The following LPP variants were observed in gnomAD, a reference collection of about 807,000 sequenced individuals.
The protein encoded by LPP is LIM domain containing preferred translocation partner in lipoma.
LPP carries 38 observed loss-of-function variants against 60.4 expected under a neutral mutation model. The observed-to-expected ratio is 0.63, with a 90% CI of 0.49 to 0.83. The LOEUF (loss-of-function observed/expected upper bound fraction) is 0.83, where lower values mean the gene tolerates loss of function less well. LPP is among the 40% of genes least tolerant of loss of function. The pLI is 0.00. For missense variants in LPP, 902 were observed against 783.6 expected, an observed-to-expected ratio of 1.15 and a Z score of -1.80; for synonymous variants, 328 against 290.8, an observed-to-expected ratio of 1.13 and a Z score of -1.30.
chr3:188,344,969 A>T (rs1195349198), intron 3 of LPP, among the ~76,000 whole-genome samples: 2 of 152,194 alleles, frequency 1.3e-5, no homozygotes, highest in African/African-American at 4.8e-5. Context: ...AGAGCAAATC[A>T]CTGGATCTGT....
chr3:188,340,859 G>A (rs1762873195), intron 2 of LPP, among the ~76,000 whole-genome samples: 1 of 152,100 alleles, frequency 6.6e-6, no homozygotes, highest in African/African-American at 2.4e-5. Flanking sequence ...TGCTTATAAT[G>A]TTATCTTTTG....
chr3:188,793,557 A>C (rs190413322), intron 9 of LPP, among the ~76,000 whole-genome samples: 5 of 152,286 alleles, frequency 3.3e-5, no homozygotes, highest in Admixed American at 1.3e-4. Context: ...ATGTCCTGAC[A>C]TAAGAGTAAG....
intron 3 of LPP, among the ~76,000 whole-genome samples, chr3:188,349,965 T>A (rs886210305): frequency 1.3e-5 from 2 of 152,230 alleles, no homozygotes; most frequent in Admixed American, 1.3e-4. Context: ...CCTCTTCTCC[T>A]TTGCTGCACG....
chr3:188,334,365 T>G (rs1329101709), intron 2 of LPP, among the ~76,000 whole-genome samples: 4 of 152,042 alleles, frequency 2.6e-5, no homozygotes, highest in African/African-American at 9.7e-5. Context: ...ATGTTTTTTT[T>G]TTTTCCTTTG....
At chr3:188,374,727 G>C (rs1218425235) in intron 3 of LPP, among the ~76,000 whole-genome samples, 1 of 152,108 alleles carries the variant, frequency 6.6e-6, no homozygotes, top group Non-Finnish European at 1.5e-5. Flanking sequence ...GCCCTGGCCA[G>C]AACTTCCAAC....
intron 7 of LPP, among the ~76,000 whole-genome samples, chr3:188,640,835 T>C (rs1196654831): frequency 6.6e-6 from 1 of 152,214 alleles, no homozygotes; most frequent in Non-Finnish European, 1.5e-5. Flanking sequence ...GCAGTGATTA[T>C]TGATAACACA....
intron 2 of LPP, among the ~76,000 whole-genome samples, chr3:188,243,797 G>A (rs981066674): frequency 3.9e-5 from 6 of 152,148 alleles, no homozygotes; most frequent in Non-Finnish European, 7.3e-5. Flanking sequence ...GTGGAAAGAG[G>A]AGGCTAACTA....
At chr3:188,630,342 T>TAACCAACAAGCATATGAA (rs1157556999) in intron 7 of LPP, among the ~76,000 whole-genome samples, 1 of 152,054 alleles carries the variant, frequency 6.6e-6, no homozygotes, top group Non-Finnish European at 1.5e-5. Flanking sequence ...GATGTGCAAT[T>TAACCAACAAGCATATGAA]AACCAACAAG....
At chr3:188,679,560 TGTGC>T (rs1340213847) in intron 7 of LPP, among the ~76,000 whole-genome samples, 43 of 85,644 alleles carry the variant, frequency 5.0e-4, no homozygotes, top group Non-Finnish European at 9.2e-4. Context: ...TGTGTGTGTG[TGTGC>T]GCGCGCGCAT....
intron 2 of LPP, among the ~76,000 whole-genome samples, chr3:188,340,953 T>C (rs957759292): frequency 6.6e-6 from 1 of 152,186 alleles, no homozygotes; most frequent in Non-Finnish European, 1.5e-5. Context: ...AGAAATCTTA[T>C]TTAAAAAGTT....
intron 1 of LPP, chr3:188,213,142 T>TG (rs1711962130): frequency 6.6e-6 from 1 of 152,210 alleles, no homozygotes; most frequent in African/African-American, 2.4e-5. Context: ...AGCAACAAGC[T>TG]GGAAGGGATG....
intron 3 of LPP, among the ~76,000 whole-genome samples, chr3:188,356,821 C>T (rs555263490): frequency 2.4e-4 from 36 of 152,294 alleles, no homozygotes; most frequent in African/African-American, 7.9e-4. Flanking sequence ...ACCAGATTTT[C>T]GGGTTGACAA....
At chr3:188,457,728 T>TA (rs1233519681) in intron 4 of LPP, among the ~76,000 whole-genome samples, 92 of 103,432 alleles carry the variant, frequency 8.9e-4, no homozygotes, top group African/African-American at 2.2e-3. Flanking sequence ...CTGTCTCTAC[T>TA]AAAAAAAAAA....
chr3:188,495,027 C>T (rs1224136625), intron 5 of LPP, among the ~76,000 whole-genome samples: 21 of 110,492 alleles, frequency 1.9e-4, no homozygotes, highest in African/African-American at 4.9e-4. Context: ...AGAGTTAACC[C>T]GTGATCCCAT....
intron 9 of LPP, among the ~76,000 whole-genome samples, chr3:188,839,379 T>C (rs745456783): frequency 1.3e-5 from 2 of 152,228 alleles, no homozygotes; most frequent in Non-Finnish European, 2.9e-5. Context: ...CAAGGATAAC[T>C]GATGTTTATT....
chr3:188,687,887 G>T (rs1201326432), intron 7 of LPP, among the ~76,000 whole-genome samples: 2 of 150,656 alleles, frequency 1.3e-5, no homozygotes, highest in Non-Finnish European at 2.9e-5. Context: ...CCATTCTCCT[G>T]CCTCAGCCTC....
chr3:188,174,468 G>GC (rs1722503923), intron 1 of LPP, among the ~76,000 whole-genome samples: 1 of 152,256 alleles, frequency 6.6e-6, no homozygotes, highest in Non-Finnish European at 1.5e-5. Context: ...ACGCACGCAT[G>GC]AGGCAGCAGG....
chr3:188,407,771 TTTTTTTTTGTTTGTTTG>T (rs1490575441), intron 4 of LPP, among the ~76,000 whole-genome samples: 6 of 33,344 alleles, frequency 1.8e-4, no homozygotes, highest in African/African-American at 2.9e-4. Flanking sequence ...ATTTATGGTT[TTTTTTTTTGTTTGTTTG>T]TTTTTTTTTT....
At chr3:188,628,456 G>A (rs1006749718) in intron 7 of LPP, among the ~76,000 whole-genome samples, 1 of 151,984 alleles carries the variant, frequency 6.6e-6, no homozygotes, top group African/African-American at 2.4e-5. Context: ...AACCCTCAGC[G>A]ACTCTTATGA....
Sources: allele counts gnomAD v4.1 joint callset (sites outside exome capture counted in the v4.1 genomes callset), GRCh38; gene constraint gnomAD v4.1.1; transcripts MANE v1.5; gene names NCBI Gene and HGNC (gene_info 2026-07-23, HGNC 2026-07-21).